The following SCUBE1 variants were observed in gnomAD, a reference collection of about 807,000 sequenced individuals.
SCUBE1 encodes signal peptide, CUB domain and EGF like domain containing 1.
Under a neutral mutation model 124.4 loss-of-function variants are expected in SCUBE1, and 59 were observed. The observed-to-expected ratio is 0.47, with a 90% CI of 0.38 to 0.59. SCUBE1 has a LOEUF of 0.59. Among genes scored for constraint, SCUBE1 ranks in the 20% least tolerant of loss-of-function variants. The pLI is 0.00. For synonymous variants in SCUBE1, 545 were observed against 550.9 expected, an observed-to-expected ratio of 0.99 and a Z score of 0.15; for missense variants, 1,150 against 1,371.2, an observed-to-expected ratio of 0.84 and a Z score of 2.55.
chr22:43,261,662 C>G (rs1243310519), intron 5 of SCUBE1, among the ~76,000 whole-genome samples: 1 of 152,184 alleles, frequency 6.6e-6, no homozygotes, highest in African/African-American at 2.4e-5. Flanking sequence ...CAGCCTCAGT[C>G]TCTCATTTCC....
intron 17 of SCUBE1, 56 bp downstream of exon 17, chr22:43,212,369 A>C: frequency 6.6e-7 from 1 of 1,517,588 alleles, no homozygotes; most frequent in Non-Finnish European, 8.9e-7. Flanking sequence ...AGCCTCTCGG[A>C]GCAGTGCAGC....
intron 2 of SCUBE1, among the ~76,000 whole-genome samples, chr22:43,324,163 G>A (rs76495079): frequency 0.015 from 2,231 of 152,262 alleles, 53 homozygotes; most frequent in African/African-American, 0.05. Context: ...TTGTCAGGGC[G>A]TAATTATTAA....
At chr22:43,284,110 A>G (rs1022275383) in intron 4 of SCUBE1, among the ~76,000 whole-genome samples, 1 of 152,266 alleles carries the variant, frequency 6.6e-6, no homozygotes, top group African/African-American at 2.4e-5. Context: ...CTTCAGAGCA[A>G]GACCCGTGAC....
chr22:43,214,047 G>GGGGGCCCCCCCCCCCCCCCCC, intron 16 of SCUBE1, 43 bp downstream of exon 16: 1 of 143,438 alleles, frequency 7.0e-6, no homozygotes, highest in Admixed American at 1.2e-4. Context: ...AGGAGCCCCC[G>GGGGGCCCCCCCCCCCCCCCCC]CCCACCCCCC....
intron 6 of SCUBE1, among the ~76,000 whole-genome samples, chr22:43,251,067 G>T (rs970089586): frequency 6.6e-6 from 1 of 152,280 alleles, no homozygotes; most frequent in African/African-American, 2.4e-5. Flanking sequence ...GAGACTCACT[G>T]GAAAGCTGCC....
At chr22:43,265,881 A>T (rs1924043926) in intron 4 of SCUBE1, among the ~76,000 whole-genome samples, 1 of 152,154 alleles carries the variant, frequency 6.6e-6, no homozygotes, top group African/African-American at 2.4e-5. Flanking sequence ...GGGGGGAATC[A>T]CCTGAGGTCA....
rs142603912 is a variant in SCUBE1, at chr22:43,339,022, G to T, written c.220+82C>A. 4.7e-4 allele frequency: 708 copies of T among 1,507,482 alleles called. 6 individuals carry two copies. The highest frequency in any genetic ancestry group is 9.3e-5 in the Non-Finnish European group (102 of 1,094,926). The allele number at this position is 1,507,482 out of a possible 1,614,324, so 93.4% of individuals were successfully genotyped here. ...GGTGCTGGAGGCTCAGCCCCAGCTGGTGATGAATGGGGCAGGCATCGGCCA... is the reference window on the plus strand; with the variant it reads ...GGTGCTGGAGGCTCAGCCCCAGCTGTTGATGAATGGGGCAGGCATCGGCCA... On this transcript the variant is annotated intron_variant, in intron 2 of 21. Transcript: ENST00000360835.
At chr22:43,267,331 G>C (rs553149618) in intron 4 of SCUBE1, among the ~76,000 whole-genome samples, 1 of 152,322 alleles carries the variant, frequency 6.6e-6, no homozygotes, top group East Asian at 1.9e-4. Flanking sequence ...AAGGGAGAGA[G>C]GAGGGAGCAA....
intron 7 of SCUBE1, among the ~76,000 whole-genome samples, chr22:43,237,394 C>G (rs7285846): frequency 0.5 from 76,498 of 152,084 alleles, 19,818 homozygotes; most frequent in Non-Finnish European, 0.53. Context: ...CCCTCTGGCC[C>G]TCCGAAGGCA....
chr22:43,300,906 T>G (rs939919595), intron 3 of SCUBE1, among the ~76,000 whole-genome samples: 5 of 152,116 alleles, frequency 3.3e-5, no homozygotes, highest in African/African-American at 1.2e-4. Flanking sequence ...AGAGCTGACC[T>G]GGTGCCTGCA....
chr22:43,339,682 T>C (rs1338388526), intron 1 of SCUBE1, among the ~76,000 whole-genome samples: 10 of 41,814 alleles, frequency 2.4e-4, no homozygotes, highest in Admixed American at 1.1e-3. Context: ...CCTCACTCTA[T>C]CCCCCCACAA....
chr22:43,308,428 A>G (rs1338433866), intron 3 of SCUBE1, among the ~76,000 whole-genome samples: 5 of 152,228 alleles, frequency 3.3e-5, no homozygotes, highest in Non-Finnish European at 7.3e-5. Flanking sequence ...TAAGTATATG[A>G]CTGTCCAAAG....
chr22:43,300,672 C>G (rs1380658621), intron 3 of SCUBE1, among the ~76,000 whole-genome samples: 1 of 152,116 alleles, frequency 6.6e-6, no homozygotes, highest in Non-Finnish European at 1.5e-5. Flanking sequence ...TTTTCCTATT[C>G]TGTGGACACC....
rs1282121922 is a variant in SCUBE1 at position 43,258,904 on chromosome 22, G to C, written c.611-569C>G. On this transcript the variant is annotated intron_variant, in intron 5 of 21. Transcript: ENST00000360835. This position sits in a 1 kb window ranked among gnomAD's most constrained non-coding sequence, Gnocchi z 5.0. ...TCCCCTCAAAGCCCTAATCCTCCGG[G>C]AGCTCGGCAATGTCCGAACAGACAG... 6.6e-6 allele frequency among the ~76,000 whole-genome samples: 1 copy of C among 152,178 alleles called. No individual in the cohort carries two copies. The highest frequency in any genetic ancestry group is 6.5e-5 in the Admixed American group (1 of 15,286).
Position 43,227,503 on chromosome 22 carries a change from G to A in SCUBE1, c.1085-7C>T. On this transcript the variant is annotated splice_polypyrimidine_tract_variant and splice_region_variant and intron_variant, in intron 9 of 21. Transcript: ENST00000360835. ...ATGCTGCACTCGTCCACATCTGGAA[G>A]CACAGCGGGCGTAAGGGCAGAGGGG... 1 of 1,610,890 alleles carries A rather than the reference G, an allele frequency of 6.2e-7. No individual in the cohort carries two copies. The highest frequency in any genetic ancestry group is 8.5e-7 in the Non-Finnish European group (1 of 1,179,452).
intron 2 of SCUBE1, among the ~76,000 whole-genome samples, chr22:43,323,881 G>A (rs1053455970): frequency 6.6e-6 from 1 of 152,156 alleles, no homozygotes; most frequent in African/African-American, 2.4e-5. Context: ...GAGGGTTGAA[G>A]AATAAGATAA....
chr22:43,222,470 C>T (rs1922130537), intron 12 of SCUBE1, among the ~76,000 whole-genome samples, 168 bp downstream of exon 12: 1 of 152,258 alleles, frequency 6.6e-6, no homozygotes, highest in African/African-American at 2.4e-5. Context: ...AGCCTGCTGG[C>T]TTCTAGGTCC....
chr22:43,284,751 C>T (rs1366763410), intron 4 of SCUBE1, among the ~76,000 whole-genome samples: 2 of 125,428 alleles, frequency 1.6e-5, no homozygotes, highest in Non-Finnish European at 3.8e-5. Flanking sequence ...CTCTTGCAAT[C>T]ATCATCGTCA....
In SCUBE1 at chr22:43,265,789, A is replaced by G. The variant is rs558282951; in HGVS notation, c.485-2944T>C. Among the ~76,000 whole-genome samples, 3 of 152,392 alleles carry G rather than the reference A, an allele frequency of 2.0e-5. No individual in the cohort carries two copies. In the South Asian group the frequency reaches 6.2e-4, roughly 32 times the overall value. On this transcript the variant is annotated intron_variant, in intron 4 of 21. Coordinates refer to ENST00000360835, the MANE Select transcript of SCUBE1 (RefSeq NM_173050.5). ...TTTACATTTACTTATTAACTTATTTAAAAACAAGATAAAAAACTTGTTACA... is the reference window on the plus strand; with the variant it reads ...TTTACATTTACTTATTAACTTATTTGAAAACAAGATAAAAAACTTGTTACA...
Sources: allele counts gnomAD v4.1 joint callset (sites outside exome capture counted in the v4.1 genomes callset), GRCh38; gene constraint gnomAD v4.1.1; non-coding constraint Gnocchi (gnomAD v3.1); transcripts MANE v1.5; gene names NCBI Gene and HGNC (gene_info 2026-07-23, HGNC 2026-07-21).